The following STYX variants were observed in gnomAD, a reference collection of about 807,000 sequenced individuals.
The protein encoded by STYX is serine/threonine/tyrosine-interacting protein.
Under a neutral mutation model 42.7 loss-of-function variants are expected in STYX, and 20 were observed. The ratio of observed to expected loss-of-function variants is 0.47; its 90% confidence interval spans 0.33 to 0.68. STYX has a LOEUF of 0.68. Ranked by LOEUF, STYX falls within the 30% of genes least tolerant of loss-of-function variation. The pLI is 0.02. For synonymous variants in STYX, 78 were observed against 81.9 expected (o/e 0.95, Z 0.26); for missense variants, 226 against 268.5 (o/e 0.84, Z 1.11).
At chr14:52,742,080 T>G (rs1419209504) in intron 1 of STYX, among the ~76,000 whole-genome samples, 1 of 152,172 alleles carries the variant, frequency 6.6e-6, no homozygotes, top group Non-Finnish European at 1.5e-5. Context: ...CAGGACCACT[T>G]ACATTAAATT....
intron 9 of STYX, among the ~76,000 whole-genome samples, chr14:52,761,328 CAAA>C (rs55985975): frequency 6.6e-5 from 7 of 106,620 alleles, no homozygotes; most frequent in African/African-American, 7.7e-5. Context: ...AACTCCGTGT[CAAA>C]AAAAAAAAAA....
At chr14:52,764,771 C>T (rs776670909) in intron 9 of STYX, among the ~76,000 whole-genome samples, 2 of 144,784 alleles carry the variant, frequency 1.4e-5, no homozygotes, top group African/African-American at 2.6e-5. Context: ...TGGGTTCAAG[C>T]GATTCACACA....
At chr14:52,741,282 T>A (rs1566670468) in intron 1 of STYX, among the ~76,000 whole-genome samples, 1 of 151,052 alleles carries the variant, frequency 6.6e-6, no homozygotes, top group African/African-American at 2.4e-5. Flanking sequence ...TATAATAGGG[T>A]AGGTGTATGT....
chr14:52,744,078 C>T (rs1881304579), intron 1 of STYX, among the ~76,000 whole-genome samples: 1 of 152,212 alleles, frequency 6.6e-6, no homozygotes, highest in Non-Finnish European at 1.5e-5. Context: ...CCTGCCTCGG[C>T]ATCCCAAAGT....
chr14:52,766,873 C>T lies in STYX; in HGVS notation c.505-1967C>T, dbSNP rs1159032581. Among the ~76,000 whole-genome samples, 3 of 150,818 alleles carry T rather than the reference C, an allele frequency of 2.0e-5. No individual in the cohort carries two copies. In the East Asian group the frequency reaches 5.8e-4, roughly 29 times the overall value. On this transcript the variant is annotated intron_variant, in intron 9 of 10. Transcript: ENST00000354586. Reference sequence around the variant, plus strand: ...TTTTTTTTCCACTTGATTTTTCTCACGTTTGTTTTCCATGTCCCATGCTGC... The same window carrying T: ...TTTTTTTTCCACTTGATTTTTCTCATGTTTGTTTTCCATGTCCCATGCTGC...
intron 3 of STYX, among the ~76,000 whole-genome samples, chr14:52,746,951 C>G (rs1881418075): frequency 1.3e-5 from 2 of 152,306 alleles, no homozygotes; most frequent in South Asian, 4.1e-4. Context: ...GGTATCCCCG[C>G]TCTGAAATTT....
At chr14:52,735,789 T>G (rs908796622) in intron 1 of STYX, among the ~76,000 whole-genome samples, 1 of 152,208 alleles carries the variant, frequency 6.6e-6, no homozygotes, top group African/African-American at 2.4e-5. Context: ...CTATGATAGG[T>G]TGATGATTCT....
At position 52,759,428 on chromosome 14, in the gene STYX, C is replaced by T. The variant is rs79163609; in HGVS notation, c.432-254C>T. Among the ~76,000 whole-genome samples, 56 of 152,310 alleles carry T rather than the reference C, an allele frequency of 3.7e-4. No homozygotes were observed. In the East Asian group the frequency reaches 8.1e-3, roughly 22 times the overall value. On this transcript the variant is annotated intron_variant, in intron 8 of 10. Coordinates refer to ENST00000354586, the MANE Select transcript of STYX (RefSeq NM_145251.4). Reference sequence around the variant, plus strand: ...AGCCACTGCACCTGGCCACTTTACACTTACCTCCTATTCATAGTAGTTCCC... The same window carrying T: ...AGCCACTGCACCTGGCCACTTTACATTTACCTCCTATTCATAGTAGTTCCC...
chr14:52,736,309 A>G (rs906095177), intron 1 of STYX, among the ~76,000 whole-genome samples: 7 of 152,142 alleles, frequency 4.6e-5, no homozygotes, highest in African/African-American at 1.7e-4. Flanking sequence ...CCCAGCTACT[A>G]TGGCACTTGG....
chr14:52,747,736 T>G (rs888766556), intron 3 of STYX, among the ~76,000 whole-genome samples: 1 of 152,196 alleles, frequency 6.6e-6, no homozygotes, highest in Non-Finnish European at 1.5e-5. Context: ...TGTTTAAAGG[T>G]CTATCTCCTC....
chr14:52,750,678 TACAG>T lies in STYX; in HGVS notation c.145-4_145-1del. 1.3e-6 allele frequency: 2 copies of T among 1,527,776 alleles called. No individual in the cohort carries two copies. Among genetic ancestry groups the T allele is most frequent in the Admixed American group, 2.1e-5 (1 of 46,800 alleles). The allele number at this position is 1,527,776 out of a possible 1,614,324, so 94.6% of individuals were successfully genotyped here. Reference sequence around the variant, plus strand: ...TGTCCTCCCCCTGCTTTTTTTTTTATACAGCTACCTGTACTACAGAAACATGGAA... The same window carrying T: ...TGTCCTCCCCCTGCTTTTTTTTTTATCTACCTGTACTACAGAAACATGGAA... On this transcript the variant is annotated splice_acceptor_variant and splice_polypyrimidine_tract_variant and intron_variant, in intron 3 of 10. Coordinates refer to ENST00000354586, the MANE Select transcript of STYX (RefSeq NM_145251.4). LOFTEE classifies it high-confidence loss of function.
chr14:52,769,000 A>G (rs1446589386), intron 10 of STYX, 67 bp downstream of exon 10: 9 of 1,159,952 alleles, frequency 7.8e-6, no homozygotes, highest in African/African-American at 1.6e-5. Flanking sequence ...AACTTGCTAC[A>G]AGTTACACTG....
chr14:52,764,153 C>A (rs772866524), intron 9 of STYX, among the ~76,000 whole-genome samples: 1 of 151,862 alleles, frequency 6.6e-6, no homozygotes, highest in African/African-American at 2.4e-5. Flanking sequence ...TCACCACGCC[C>A]GGCTAATTTT....
intron 4 of STYX, among the ~76,000 whole-genome samples, chr14:52,751,814 C>T (rs1342676754): frequency 1.3e-5 from 2 of 152,152 alleles, no homozygotes; most frequent in Non-Finnish European, 2.9e-5. Flanking sequence ...AGCCACCTTG[C>T]TCCTATCCTG....
chr14:52,740,869 T>G (rs1881161824), intron 1 of STYX, among the ~76,000 whole-genome samples: 1 of 152,248 alleles, frequency 6.6e-6, no homozygotes. Flanking sequence ...ACAAGAACAT[T>G]CTATTAGCAT....
chr14:52,766,791 C>T (rs1427258812), intron 9 of STYX, among the ~76,000 whole-genome samples: 1 of 150,478 alleles, frequency 6.6e-6, no homozygotes, highest in African/African-American at 2.4e-5. Context: ...GTTTATGTTC[C>T]CTTTTTTCTT....
chr14:52,764,626 T>G (rs1882227605), intron 9 of STYX, among the ~76,000 whole-genome samples: 1 of 151,808 alleles, frequency 6.6e-6, no homozygotes, highest in South Asian at 2.1e-4. Flanking sequence ...TGTGTTTATG[T>G]TTGTTACATA....
chr14:52,763,767 G>A (rs1487203752), intron 9 of STYX, among the ~76,000 whole-genome samples: 1 of 152,086 alleles, frequency 6.6e-6, no homozygotes, highest in African/African-American at 2.4e-5. Context: ...ATGGGCATTT[G>A]AAAAGAAGAT....
Position 52,730,342 on chromosome 14 carries a change from T to C in STYX, c.-133T>C, listed in dbSNP as rs116524083. On this transcript the variant is annotated 5_prime_UTR_variant, in exon 1 of 11. Coordinates refer to ENST00000354586, the MANE Select transcript of STYX (RefSeq NM_145251.4). ...GGACCCTGTAGTCTGCGTGTGTTAG[T>C]TGTAATCCCGCCGCCCTCCTGTCAG... The C allele has an allele frequency of 3.3e-3, 2,800 of 849,598 alleles. 53 individuals are homozygous for C. The African/African-American group carries it at 0.041, about 13-fold the overall frequency. The allele number at this position is 849,598 out of a possible 1,614,324, so 52.6% of individuals were successfully genotyped here. A position where few individuals can be genotyped will look rare whatever the true frequency, so the allele number is the denominator to read the frequency against.
Sources: gnomAD v4.1 joint callset for allele counts (sites outside exome capture counted in the v4.1 genomes callset) on GRCh38, gnomAD v4.1.1 for gene constraint, MANE v1.5 for transcripts, NCBI Gene and HGNC (gene_info 2026-07-23, HGNC 2026-07-21) for gene names.